Variants in MARCHF1 observed in about 807,000 individuals in gnomAD.
MARCHF1 encodes membrane associated ring-CH-type finger 1, also known as E3 ubiquitin-protein ligase MARCHF1.
In MARCHF1, 40 loss-of-function variants were observed where a neutral mutation model predicts 54.2. The ratio of observed to expected loss-of-function variants is 0.74; its 90% confidence interval spans 0.57 to 0.96. MARCHF1 has a LOEUF of 0.96. Ranked by LOEUF, MARCHF1 falls within the 40% of genes least tolerant of loss-of-function variation. The pLI is 0.00. For synonymous variants in MARCHF1, 236 were observed against 236.3 expected, an observed-to-expected ratio of 1.00 and a Z score of 0.01; for missense variants, 586 against 656.5, an observed-to-expected ratio of 0.89 and a Z score of 1.17.
chr4:164,055,922 T>A (rs963747343), intron 2 of MARCHF1, among the ~76,000 whole-genome samples: 1 of 152,236 alleles, frequency 6.6e-6, no homozygotes, highest in African/African-American at 2.4e-5. Flanking sequence ...TCTGTTTTAG[T>A]GATGCTGCTC....
intron 1 of MARCHF1, among the ~76,000 whole-genome samples, chr4:164,113,664 G>A (rs1013762338): frequency 2.0e-5 from 3 of 151,972 alleles, no homozygotes; most frequent in Non-Finnish European, 2.9e-5. Context: ...GTATAGGTAC[G>A]TCTATCTGAT....
chr4:163,798,179 A>G (rs1186308713), intron 4 of MARCHF1, among the ~76,000 whole-genome samples: 1 of 152,166 alleles, frequency 6.6e-6, no homozygotes, highest in African/African-American at 2.4e-5. Flanking sequence ...CAATAGGAAC[A>G]CGTGCCTTAT....
intron 7 of MARCHF1, among the ~76,000 whole-genome samples, chr4:163,591,233 TA>T (rs1318532354): frequency 6.6e-6 from 1 of 152,014 alleles, no homozygotes; most frequent in African/African-American, 2.4e-5. Flanking sequence ...TTCTCTATAT[TA>T]AAGTCTGTCT....
At chr4:164,144,598 A>T (rs1270309119) in intron 1 of MARCHF1, among the ~76,000 whole-genome samples, 17 of 149,750 alleles carry the variant, frequency 1.1e-4, no homozygotes, top group Admixed American at 5.3e-4. Flanking sequence ...ATGAAGGCAG[A>T]AATAAAGATG....
chr4:164,092,145 A>T (rs952165517), intron 2 of MARCHF1, among the ~76,000 whole-genome samples: 2 of 152,032 alleles, frequency 1.3e-5, no homozygotes, highest in African/African-American at 4.8e-5. Context: ...AGGCTCAATG[A>T]TTGTACCAGT....
At chr4:163,794,704 A>G (rs1012478196) in intron 4 of MARCHF1, among the ~76,000 whole-genome samples, 1 of 152,196 alleles carries the variant, frequency 6.6e-6, no homozygotes, top group African/African-American at 2.4e-5. Flanking sequence ...ACAGTGAATA[A>G]CTATCAGCAC....
intron 1 of MARCHF1, among the ~76,000 whole-genome samples, chr4:164,351,570 A>G (rs1167576234): frequency 6.6e-6 from 1 of 152,180 alleles, no homozygotes; most frequent in African/African-American, 2.4e-5. Flanking sequence ...TAGAAGGAAA[A>G]CTAACAAACA....
chr4:164,118,039 T>C (rs1437458836), intron 1 of MARCHF1, among the ~76,000 whole-genome samples: 3 of 151,872 alleles, frequency 2.0e-5, no homozygotes, highest in African/African-American at 7.3e-5. Flanking sequence ...ATTGTAAGTA[T>C]AGAAAAAGAA....
intron 1 of MARCHF1, among the ~76,000 whole-genome samples, chr4:164,217,938 CA>C (rs1462957792): frequency 6.6e-6 from 1 of 151,912 alleles, no homozygotes; most frequent in Non-Finnish European, 1.5e-5. Flanking sequence ...CAAACAATTT[CA>C]AAAAAAGATG....
At chr4:164,265,720 C>T (rs185045680) in intron 1 of MARCHF1, among the ~76,000 whole-genome samples, 2 of 152,110 alleles carry the variant, frequency 1.3e-5, no homozygotes, top group African/African-American at 4.8e-5. Flanking sequence ...TCCAGCCACT[C>T]TGACATTTTT....
At chr4:164,194,899 C>T (rs988412530) in intron 1 of MARCHF1, among the ~76,000 whole-genome samples, 2 of 151,900 alleles carry the variant, frequency 1.3e-5, no homozygotes, top group Non-Finnish European at 1.5e-5. Flanking sequence ...CCCATCAACC[C>T]GTCATCTACG....
intron 1 of MARCHF1, among the ~76,000 whole-genome samples, chr4:164,271,574 A>C (rs1733746705): frequency 6.6e-6 from 1 of 152,148 alleles, no homozygotes; most frequent in African/African-American, 2.4e-5. Flanking sequence ...TAAGATGATA[A>C]GTTTGTGTTA....
At chr4:164,144,398 C>T (rs553539158) in intron 1 of MARCHF1, among the ~76,000 whole-genome samples, 7,472 of 150,514 alleles carry the variant, frequency 0.05, 232 homozygotes, top group Middle Eastern at 0.13. Context: ...ACACCTATTC[C>T]AAAATTGACC....
chr4:164,306,086 T>C (rs1734689049), intron 1 of MARCHF1, among the ~76,000 whole-genome samples: 1 of 152,130 alleles, frequency 6.6e-6, no homozygotes, highest in South Asian at 2.1e-4. Flanking sequence ...AATTATATTG[T>C]CTTTATACAT....
At chr4:163,683,596 G>A (rs985268251) in intron 5 of MARCHF1, among the ~76,000 whole-genome samples, 4 of 152,156 alleles carry the variant, frequency 2.6e-5, no homozygotes, top group African/African-American at 7.2e-5. Flanking sequence ...GGAACGAGGT[G>A]TATTTACACT....
chr4:164,346,218 T>C (rs1317759021), intron 1 of MARCHF1, among the ~76,000 whole-genome samples: 2 of 152,084 alleles, frequency 1.3e-5, no homozygotes, highest in Non-Finnish European at 2.9e-5. Context: ...TATCAGGATA[T>C]AGAAAATGAG....
chr4:163,756,631 CAAAAAAAAAA>C (rs67382228), intron 4 of MARCHF1, among the ~76,000 whole-genome samples: 3 of 67,582 alleles, frequency 4.4e-5, no homozygotes, highest in Non-Finnish European at 7.3e-5. Context: ...GACTCTGTCT[CAAAAAAAAAA>C]AAAAAAAAAA....
chr4:164,031,542 G>C (rs1490590684), intron 2 of MARCHF1, among the ~76,000 whole-genome samples: 2 of 151,920 alleles, frequency 1.3e-5, no homozygotes, highest in Non-Finnish European at 2.9e-5. Context: ...TAGCGTGAAG[G>C]GATACTGAAT....
chr4:163,708,049 T>C (rs975735392), intron 4 of MARCHF1, among the ~76,000 whole-genome samples: 3 of 151,836 alleles, frequency 2.0e-5, no homozygotes, highest in African/African-American at 4.8e-5. Flanking sequence ...GCTTCTTGTG[T>C]TTGCATCATC....
Sources: allele counts gnomAD v4.1 joint callset (sites outside exome capture counted in the v4.1 genomes callset), GRCh38; gene constraint gnomAD v4.1.1; transcripts MANE v1.5; gene names NCBI Gene and HGNC (gene_info 2026-07-23, HGNC 2026-07-21).